SORCS2: variants seen among roughly 807,000 people sequenced by gnomAD.
The protein encoded by SORCS2 is sortilin related VPS10 domain containing receptor 2, also known as VPS10 domain-containing receptor SorCS2.
A neutral mutation model predicts 141.6 loss-of-function variants in SORCS2; 100 were observed. The observed-to-expected ratio is 0.71, with a 90% CI of 0.60 to 0.83. SORCS2 has a LOEUF of 0.83. SORCS2 is among the 40% of genes least tolerant of loss of function. The pLI, the probability that SORCS2 is intolerant of heterozygous loss-of-function variation, is 0.00. For missense variants in SORCS2, 1,646 were observed against 1,560.2 expected (o/e 1.05, Z -0.93); for synonymous variants, 789 against 676.9 (o/e 1.17, Z -2.57).
intron 12 of SORCS2, among the ~76,000 whole-genome samples, chr4:7,697,761 G>C (rs1724804672): frequency 6.6e-6 from 1 of 152,010 alleles, no homozygotes; most frequent in Non-Finnish European, 1.5e-5. Context: ...AAGAGAATAT[G>C]GGGGGAGGAG....
At chr4:7,640,439 C>T (rs1185194985) in intron 4 of SORCS2, among the ~76,000 whole-genome samples, 2 of 125,564 alleles carry the variant, frequency 1.6e-5, no homozygotes, top group Non-Finnish European at 3.4e-5. Context: ...TGTGAGTCTA[C>T]ATGAGTGTGT....
intron 2 of SORCS2, among the ~76,000 whole-genome samples, chr4:7,529,151 G>A (rs1044432961): frequency 1.3e-5 from 2 of 152,088 alleles, no homozygotes; most frequent in Non-Finnish European, 2.9e-5. Context: ...CACTACTCAA[G>A]CCCGTCCAAA....
intron 4 of SORCS2, among the ~76,000 whole-genome samples, chr4:7,641,295 T>C (rs1190091295): frequency 6.6e-6 from 1 of 152,098 alleles, no homozygotes; most frequent in Non-Finnish European, 1.5e-5. Context: ...ACAGTCATGG[T>C]GGAAGGTGAA....
intron 1 of SORCS2, among the ~76,000 whole-genome samples, chr4:7,290,848 C>T (rs1716552983): frequency 1.3e-5 from 2 of 152,130 alleles, no homozygotes; most frequent in East Asian, 1.9e-4. Context: ...GCCTGCTATG[C>T]TCCAGGCAGG....
chr4:7,659,942 C>T (rs1381451564), intron 5 of SORCS2, among the ~76,000 whole-genome samples: 1 of 152,244 alleles, frequency 6.6e-6, no homozygotes, highest in Non-Finnish European at 1.5e-5. Context: ...GGTAGTGGAT[C>T]TTGCTCTACT....
At chr4:7,217,651 A>G (rs1728441485) in intron 1 of SORCS2, among the ~76,000 whole-genome samples, 1 of 152,134 alleles carries the variant, frequency 6.6e-6, no homozygotes, top group Admixed American at 6.5e-5. Flanking sequence ...CACCCTCCAC[A>G]AAAATGCCCA....
At chr4:7,575,734 G>A (rs1340204673) in intron 3 of SORCS2, among the ~76,000 whole-genome samples, 1 of 152,196 alleles carries the variant, frequency 6.6e-6, no homozygotes, top group Non-Finnish European at 1.5e-5. Flanking sequence ...TTTACCCATG[G>A]CTTAGTGCTG....
intron 1 of SORCS2, among the ~76,000 whole-genome samples, chr4:7,343,251 C>T (rs185853353): frequency 3.3e-5 from 5 of 152,324 alleles, no homozygotes; most frequent in East Asian, 3.9e-4. Context: ...CATACCACAT[C>T]GTTGCTGGGG....
At chr4:7,436,632 G>C (rs943792587) in intron 2 of SORCS2, among the ~76,000 whole-genome samples, 1 of 152,226 alleles carries the variant, frequency 6.6e-6, no homozygotes, top group Non-Finnish European at 1.5e-5. Flanking sequence ...CCACGCTGCT[G>C]TGTTTAGCTG....
At chr4:7,723,589 G>C in intron 18 of SORCS2, 108 bp from the exon 19 acceptor site, 1 of 1,267,400 alleles carries the variant, frequency 7.9e-7, no homozygotes, top group East Asian at 2.3e-5. Flanking sequence ...TCAAGGAAGG[G>C]AGGGCGGCAA....
At chr4:7,509,239 T>C (rs1732463550) in intron 2 of SORCS2, among the ~76,000 whole-genome samples, 3 of 151,922 alleles carry the variant, frequency 2.0e-5, no homozygotes, top group Admixed American at 2.0e-4. Flanking sequence ...GATGGTGAGG[T>C]CCCTGCAGCC....
intron 3 of SORCS2, among the ~76,000 whole-genome samples, chr4:7,612,893 T>TGGGAGGGGAACAAGAAGAAGTGTTGG: frequency 6.8e-6 from 1 of 147,518 alleles, no homozygotes; most frequent in Non-Finnish European, 1.5e-5. Flanking sequence ...TGGGAGGAGA[T>TGGGAGGGGAACAAGAAGAAGTGTTGG]GGGAGGGGAA....
Position 7,286,879 on chromosome 4 carries a change from G to A in SORCS2, c.480+93753G>A, listed in dbSNP as rs1355588381. On this transcript the variant is annotated intron_variant, in intron 1 of 26. Coordinates refer to ENST00000507866, the MANE Select transcript of SORCS2 (RefSeq NM_020777.3). This position sits in a 1 kb window ranked among gnomAD's most constrained non-coding sequence, Gnocchi z 4.1. ...GGTCCCAAGAGGAAAGTGTCCTGAC[G>A]GAGCTTCAGTAGCTGAAAGTGGGTC... Among the ~76,000 whole-genome samples the A allele has an allele frequency of 2.6e-5, 4 of 152,160 alleles. No homozygotes were observed. The highest frequency in any genetic ancestry group is 9.7e-5 in the African/African-American group (4 of 41,412).
At chr4:7,619,024 A>G (rs915085909) in intron 3 of SORCS2, among the ~76,000 whole-genome samples, 2 of 152,106 alleles carry the variant, frequency 1.3e-5, no homozygotes, top group African/African-American at 4.8e-5. Flanking sequence ...TTTCTCTGAA[A>G]AGTACAGGTG....
chr4:7,516,543 A>G, intron 2 of SORCS2, among the ~76,000 whole-genome samples: 1 of 151,434 alleles, frequency 6.6e-6, no homozygotes, highest in African/African-American at 2.4e-5. Flanking sequence ...CGCTTGCAAA[A>G]CACAGTTCCA....
chr4:7,298,054 C>T (rs1279856838), intron 1 of SORCS2, among the ~76,000 whole-genome samples: 1 of 152,236 alleles, frequency 6.6e-6, no homozygotes, highest in Non-Finnish European at 1.5e-5. Flanking sequence ...CCAGGTCCGT[C>T]CTCCCAGAGT....
chr4:7,633,318 G>A (rs1289343256), intron 3 of SORCS2, among the ~76,000 whole-genome samples: 1 of 152,164 alleles, frequency 6.6e-6, no homozygotes, highest in African/African-American at 2.4e-5. Flanking sequence ...AGCTGGACGA[G>A]AGGCGGAGCA....
At chr4:7,199,697 C>T (rs1328749346) in intron 1 of SORCS2, among the ~76,000 whole-genome samples, 10 of 152,044 alleles carry the variant, frequency 6.6e-5, no homozygotes, top group Admixed American at 6.5e-4. Flanking sequence ...TCTGGGAAGG[C>T]AGAATACAAA....
chr4:7,416,507 C>G (rs953974065), intron 2 of SORCS2, among the ~76,000 whole-genome samples: 7 of 151,574 alleles, frequency 4.6e-5, no homozygotes, highest in Non-Finnish European at 1.0e-4. Flanking sequence ...GACACGCACG[C>G]TTCCTCCTCC....
Sources: gnomAD v4.1 joint callset for allele counts (sites outside exome capture counted in the v4.1 genomes callset) on GRCh38, gnomAD v4.1.1 for gene constraint, Gnocchi (gnomAD v3.1) non-coding constraint, MANE v1.5 for transcripts, NCBI Gene and HGNC (gene_info 2026-07-23, HGNC 2026-07-21) for gene names.